Variants in RGS6 observed in about 807,000 individuals in gnomAD.
RGS6 encodes regulator of G-protein signaling 6.
Under a neutral mutation model 78.5 loss-of-function variants are expected in RGS6, and 30 were observed. The ratio of observed to expected loss-of-function variants is 0.38; its 90% CI spans 0.29 to 0.52. The LOEUF (loss-of-function observed/expected upper bound fraction) is 0.52, where lower values mean the gene tolerates loss of function less well. RGS6 is among the 20% of genes least tolerant of loss of function. RGS6 has a pLI of 0.85. For synonymous variants in RGS6, 206 were observed against 206.0 expected (o/e 1.00, Z 0.00); for missense variants, 495 against 609.7 (o/e 0.81, Z 1.98).
the RGS6 span, among the ~76,000 whole-genome samples, chr14:71,915,556 A>G: frequency 6.6e-6 from 1 of 152,174 alleles, no homozygotes; most frequent in African/African-American, 2.4e-5. Context: ...AGGACCCAGT[A>G]GGGCCTAGTG....
Position 72,402,362 on chromosome 14 carries a change from C to T in RGS6, c.184+50168C>T, listed in dbSNP as rs535361093. 5.3e-5 allele frequency among the ~76,000 whole-genome samples: 8 copies of T among 152,222 alleles called. No individual in the cohort carries two copies. In the South Asian group the frequency reaches 1.2e-3, roughly 24 times the overall value. On this transcript the variant is annotated intron_variant, in intron 3 of 17. Coordinates refer to ENST00000553525, the MANE Select transcript of RGS6 (RefSeq NM_001204424.2). ...AAGGCAGATGAAGTAAAAGCAACTT[C>T]GCATATATCTTTCCTATCAAAGACA...
intron 2 of RGS6, among the ~76,000 whole-genome samples, chr14:72,024,305 T>C: frequency 6.6e-6 from 1 of 152,200 alleles, no homozygotes; most frequent in East Asian, 1.9e-4. Context: ...TTCTTGTTCC[T>C]AACGTTGAAT....
chr14:72,366,093 G>A lies in RGS6; in HGVS notation c.184+13899G>A, dbSNP rs182886951. Among the ~76,000 whole-genome samples, 183 of 152,298 alleles carry A rather than the reference G, an allele frequency of 1.2e-3. 1 individual carries two copies. Among genetic ancestry groups the A allele is most frequent in the Middle Eastern group, 3.4e-3 (1 of 294 alleles). Reference sequence around the variant, plus strand: ...TTTCACATCTTCTTCTATAAGCCATGTATTAGTCTATCTGCTACCCAGCCT... The same window carrying A: ...TTTCACATCTTCTTCTATAAGCCATATATTAGTCTATCTGCTACCCAGCCT... On this transcript the variant is annotated intron_variant, in intron 3 of 17. Transcript: ENST00000553525.
At chr14:71,889,029 T>C in the RGS6 span, among the ~76,000 whole-genome samples, 3 of 152,094 alleles carry the variant, frequency 2.0e-5, no homozygotes, top group African/African-American at 7.2e-5. Context: ...CAAAGATGCA[T>C]GATATTGTCA....
At chr14:71,928,932 C>T (rs1291742924), upstream of RGS6, among the ~76,000 whole-genome samples, 1 of 152,112 alleles carries the variant, frequency 6.6e-6, no homozygotes, top group African/African-American at 2.4e-5. Flanking sequence ...AAAGGGAAGA[C>T]AATTTTTTTA....
chr14:72,512,794 C>G (rs2096894894), intron 14 of RGS6, among the ~76,000 whole-genome samples: 1 of 152,242 alleles, frequency 6.6e-6, no homozygotes, highest in African/African-American at 2.4e-5. Flanking sequence ...CACAGGGCAG[C>G]CTTTTCCCCG....
intron 10 of RGS6, among the ~76,000 whole-genome samples, chr14:72,476,283 G>T (rs938070890): frequency 6.6e-6 from 1 of 152,212 alleles, no homozygotes; most frequent in African/African-American, 2.4e-5. Context: ...ATGTAGAGGG[G>T]ATCTTTTGTG....
intron 2 of RGS6, among the ~76,000 whole-genome samples, chr14:71,981,567 C>CTCGGGGGTGCCTCCCAGTTAGGCT (rs2094455795): frequency 4.1e-5 from 6 of 147,996 alleles, no homozygotes; most frequent in African/African-American, 1.0e-4. Flanking sequence ...CCAGTTAGGC[C>CTCGGGGGTGCCTCCCAGTTAGGCT]GCTCGGGGGT....
chr14:72,221,606 C>CT lies in RGS6; in HGVS notation c.85-130480dup, dbSNP rs1240756087. ...GAACAAGTGACGACAATCACTTTTA[C>CT]TTTTTTTTTCTGTAATTAATGGAAG... On this transcript the variant is annotated intron_variant, in intron 2 of 17. Coordinates refer to ENST00000553525, the MANE Select transcript of RGS6 (RefSeq NM_001204424.2). Among the ~76,000 whole-genome samples, 9 of 151,608 alleles carry CT rather than the reference C, an allele frequency of 5.9e-5. No homozygotes were observed. In the South Asian group the frequency reaches 8.4e-4, roughly 14 times the overall value.
At chr14:72,365,507 C>T (rs562415399) in intron 3 of RGS6, among the ~76,000 whole-genome samples, 36 of 152,144 alleles carry the variant, frequency 2.4e-4, no homozygotes, top group Admixed American at 3.9e-4. Context: ...CGATGTCTAC[C>T]AGTTGGAACA....
upstream of RGS6, among the ~76,000 whole-genome samples, chr14:71,931,294 A>G (rs2087842560): frequency 1.3e-5 from 2 of 150,994 alleles, no homozygotes; most frequent in Non-Finnish European, 2.9e-5. Flanking sequence ...CATAACACAC[A>G]TGTCTGCTTG....
chr14:72,243,500 A>C (rs2053454130), intron 2 of RGS6, among the ~76,000 whole-genome samples: 2 of 152,190 alleles, frequency 1.3e-5, no homozygotes, highest in African/African-American at 4.8e-5. Context: ...AATGCAATTC[A>C]TTTGGGTCTC....
intron 2 of RGS6, among the ~76,000 whole-genome samples, chr14:72,109,444 T>C (rs549914240): frequency 6.1e-4 from 93 of 152,364 alleles, no homozygotes; most frequent in African/African-American, 2.2e-3. Context: ...TTTCAAATGA[T>C]GATTTTTGAA....
intron 2 of RGS6, among the ~76,000 whole-genome samples, chr14:72,050,363 G>A (rs2093153237): frequency 6.6e-6 from 1 of 152,018 alleles, no homozygotes; most frequent in Non-Finnish European, 1.5e-5. Flanking sequence ...TGTATGCAAA[G>A]CATGGAAGAT....
At chr14:72,151,813 C>T (rs2096692837) in intron 2 of RGS6, among the ~76,000 whole-genome samples, 1 of 152,182 alleles carries the variant, frequency 6.6e-6, no homozygotes, top group Admixed American at 6.5e-5. Flanking sequence ...CTCTCTGGAT[C>T]AGTTCTATCA....
intron 2 of RGS6, among the ~76,000 whole-genome samples, chr14:72,040,261 C>G (rs1229443216): frequency 2.0e-5 from 3 of 152,024 alleles, no homozygotes; most frequent in African/African-American, 7.2e-5. Context: ...ATATTGATAT[C>G]TAGGATCCTT....
chr14:72,060,407 T>C (rs1248678955), intron 2 of RGS6, among the ~76,000 whole-genome samples: 1 of 151,812 alleles, frequency 6.6e-6, no homozygotes, highest in African/African-American at 2.4e-5. Flanking sequence ...TATGCTTTTA[T>C]GTAACCTGAG....
At chr14:72,609,609 C>T in the RGS6 span, among the ~76,000 whole-genome samples, 2 of 152,258 alleles carry the variant, frequency 1.3e-5, no homozygotes, top group South Asian at 4.1e-4. Flanking sequence ...GGGAACCTGA[C>T]ACACGTGGGA....
chr14:72,259,634 G>A (rs994555176), intron 2 of RGS6, among the ~76,000 whole-genome samples: 6 of 152,284 alleles, frequency 3.9e-5, no homozygotes, highest in African/African-American at 9.6e-5. Flanking sequence ...AGGGCCGGGC[G>A]CGGTGGCTCA....
Sources: allele counts gnomAD v4.1 joint callset (sites outside exome capture counted in the v4.1 genomes callset), GRCh38; gene constraint gnomAD v4.1.1; transcripts MANE v1.5; gene names NCBI Gene and HGNC (gene_info 2026-07-23, HGNC 2026-07-21).